The following CDC20B variants were observed in gnomAD, a reference collection of about 807,000 sequenced individuals.
The protein encoded by CDC20B is cell division cycle 20B, also known as cell division cycle protein 20 homolog B.
CDC20B carries 58 observed loss-of-function variants against 64.1 expected under a neutral mutation model. The observed-to-expected ratio is 0.90, with a 90% CI of 0.73 to 1.13. The LOEUF (loss-of-function observed/expected upper bound fraction) is 1.13, where lower values mean the gene tolerates loss of function less well. Among genes scored for constraint, CDC20B ranks in the 50% most tolerant of loss-of-function variants. The pLI, the probability that CDC20B is intolerant of heterozygous loss-of-function variation, is 0.00. For missense variants in CDC20B, 597 were observed against 633.0 expected (o/e 0.94, Z 0.61); for synonymous variants, 243 against 230.6 (o/e 1.05, Z -0.49).
At chr5:55,172,360 C>A in intron 2 of CDC20B, 1 of 494,158 alleles carries the variant, frequency 2.0e-6, no homozygotes, top group Non-Finnish European at 3.6e-6. Context: ...CAGCTTTATC[C>A]TTTGCTGTGG....
chr5:55,160,956 C>T (rs1453514049), intron 2 of CDC20B: 4 of 1,577,614 alleles, frequency 2.5e-6, no homozygotes, highest in Middle Eastern at 1.7e-4. Flanking sequence ...AAATCTTTTG[C>T]TTCACTTTCC....
intron 2 of CDC20B, chr5:55,166,371 T>A (rs1469898623): frequency 6.6e-6 from 1 of 152,262 alleles, no homozygotes; most frequent in African/African-American, 2.4e-5. Flanking sequence ...GGCTGCCTTA[T>A]TCAACCTACA....
intron 5 of CDC20B, among the ~76,000 whole-genome samples, chr5:55,134,466 C>T (rs1244570239): frequency 6.6e-6 from 1 of 151,984 alleles, no homozygotes; most frequent in Non-Finnish European, 1.5e-5. Context: ...AAAGAATGAA[C>T]AAAAAAACTC....
chr5:55,168,953 A>G (rs1246768180), intron 2 of CDC20B, among the ~76,000 whole-genome samples: 5 of 152,220 alleles, frequency 3.3e-5, no homozygotes, highest in Non-Finnish European at 7.3e-5. Flanking sequence ...AAACCTGCAC[A>G]TGTACCCCCT....
chr5:55,119,725 T>C, intron 11 of CDC20B, 76 bp downstream of exon 11: 1 of 900,504 alleles, frequency 1.1e-6, no homozygotes. Flanking sequence ...ATAAAATCTT[T>C]CATTCAGGGC....
intron 10 of CDC20B, 101 bp downstream of exon 10, chr5:55,120,324 T>C: frequency 2.2e-6 from 3 of 1,364,250 alleles, no homozygotes; most frequent in Non-Finnish European, 3.1e-6. Context: ...ATGGACTCAA[T>C]AGAGAAAGAG....
chr5:55,134,811 T>G (rs1252307320), intron 5 of CDC20B, among the ~76,000 whole-genome samples: 1 of 152,116 alleles, frequency 6.6e-6, no homozygotes, highest in African/African-American at 2.4e-5. Context: ...CTGAAAAAAC[T>G]AAATATTGTA....
intron 2 of CDC20B, among the ~76,000 whole-genome samples, chr5:55,163,839 A>G (rs572946699): frequency 8.7e-5 from 13 of 149,512 alleles, no homozygotes; most frequent in East Asian, 3.9e-4. Context: ...CTAAGATCAC[A>G]TACTAGATGA....
rs1273454595 is a variant in CDC20B at position 55,172,592 on chromosome 5, G to A, written c.122C>T (p.Ala41Val). 1.2e-6 allele frequency: 2 copies of A among 1,611,896 alleles called. No individual in the cohort carries two copies. The highest frequency in any genetic ancestry group is 1.7e-5 in the Admixed American group (1 of 60,014). Residue 41 changes from alanine to valine, a missense_variant, in exon 2 of 12, where the codon GCC becomes GTC. Physicochemically the swap from Ala to Val is moderately conservative, Grantham distance 64. Around this residue, in one of 3 missense-constraint regions of CDC20B, gnomAD observed 241 missense variants for 219.2 expected, o/e 1.10. Transcript: ENST00000381375. ...DLKQKRSQDS[A>V]NVLDSVNATY... Reference sequence around the variant, plus strand: ...AAGAACAAGCCCTGGACTCACGTTGGCGGAATCTTGACTTCTCTTCTGCTT... The same window carrying A: ...AAGAACAAGCCCTGGACTCACGTTGACGGAATCTTGACTTCTCTTCTGCTT...
chr5:55,169,380 C>T (rs1744515794), intron 2 of CDC20B, among the ~76,000 whole-genome samples: 1 of 152,188 alleles, frequency 6.6e-6, no homozygotes, highest in Non-Finnish European at 1.5e-5. Flanking sequence ...TCATCTATGG[C>T]TTAACTAACT....
At chr5:55,141,435 T>C (rs976283876) in intron 4 of CDC20B, among the ~76,000 whole-genome samples, 1 of 152,160 alleles carries the variant, frequency 6.6e-6, no homozygotes, top group African/African-American at 2.4e-5. Context: ...TTACGGACAA[T>C]AGTGGCTTAG....
chr5:55,160,181 G>C, intron 2 of CDC20B: 1 of 1,609,258 alleles, frequency 6.2e-7, no homozygotes, highest in Non-Finnish European at 8.5e-7. Context: ...CTTCCCTCTA[G>C]AATCCTCCAA....
intron 1 of CDC20B, 35 bp downstream of exon 1, chr5:55,172,903 G>A (rs567350344): frequency 1.3e-6 from 2 of 1,562,984 alleles, no homozygotes; most frequent in African/African-American, 1.4e-5. Flanking sequence ...CCGCATTAGA[G>A]AGTTAGGGAG....
Position 55,114,280 on chromosome 5 carries a change from C to A in CDC20B, c.1498G>T (p.Asp500Tyr). The change falls in exon 12 of 12, where the codon GAC becomes TAC. Residue 500 changes from aspartate (D) to tyrosine (Y), a missense_variant. By Grantham distance (160) the Asp-to-Tyr change is radical. Around this residue, in one of 3 missense-constraint regions of CDC20B, gnomAD observed 353 missense variants for 397.0 expected, o/e 0.89. Coordinates refer to ENST00000381375, the MANE Select transcript of CDC20B (RefSeq NM_001170402.1). The surrounding 1 kb of genome is among the most constrained non-coding windows in gnomAD (Gnocchi z 4.1). ...GCAGCAGAAAACACCCGGGTCTGGT[C>A]TGGACTCAAAGACAGGTGCAGCACT... ...GRVLHLSLSP[D>Y]QTRVFSAAAD... 6.2e-7 allele frequency: 1 copy of A among 1,614,020 alleles called. No homozygotes were observed. Among genetic ancestry groups the A allele is most frequent in the South Asian group, 1.1e-5 (1 of 91,060 alleles).
intron 2 of CDC20B, among the ~76,000 whole-genome samples, chr5:55,167,251 T>TAA (rs1256578833): frequency 6.6e-6 from 1 of 152,222 alleles, no homozygotes; most frequent in African/African-American, 2.4e-5. Flanking sequence ...ACAGCAGACA[T>TAA]AACAACAGAG....
At chr5:55,124,285 G>C (rs1742822350) in intron 9 of CDC20B, among the ~76,000 whole-genome samples, 1 of 152,118 alleles carries the variant, frequency 6.6e-6, no homozygotes, top group Admixed American at 6.6e-5. Flanking sequence ...ATGAGAATGT[G>C]ACCAAAGGCA....
At chr5:55,119,743 C>G (rs1324724429) in intron 11 of CDC20B, 58 bp downstream of exon 11, 2 of 1,060,892 alleles carry the variant, frequency 1.9e-6, no homozygotes, top group African/African-American at 3.1e-5. Flanking sequence ...GGCTTTTCCC[C>G]CCAACAACAG....
At position 55,160,677 on chromosome 5, in the gene CDC20B, C is replaced by T. The variant is rs1438546158; in HGVS notation, c.126+11911G>A. Reference sequence around the variant, plus strand: ...ATAGTTAGTAATGTGAACATGATGACATTTATTAATAAAAGTATTGGTTCT... The same window carrying T: ...ATAGTTAGTAATGTGAACATGATGATATTTATTAATAAAAGTATTGGTTCT... On this transcript the variant is annotated intron_variant, in intron 2 of 11. Transcript: ENST00000381375. 6 of 451,600 alleles carry T rather than the reference C, an allele frequency of 1.3e-5. 1 individual carries two copies. Among genetic ancestry groups the T allele is most frequent in the African/African-American group, 1.2e-4 (6 of 49,288 alleles). The allele number at this position is 451,600 out of a possible 1,614,324, so 28.0% of individuals were successfully genotyped here.
In CDC20B at chr5:55,132,944, C is replaced by T. The variant is rs148256683; in HGVS notation, c.697+468G>A. The stretch of plus-strand genomic sequence containing the variant: ...CTCCACAACGTCTTTCTGGACAACA[C>T]CGAAGCTCACTAAGCTCCTTCTAGT... On this transcript the variant is annotated intron_variant, in intron 6 of 11. Coordinates refer to ENST00000381375, the MANE Select transcript of CDC20B (RefSeq NM_001170402.1). Among the ~76,000 whole-genome samples, 746 of 152,320 alleles carry T rather than the reference C, an allele frequency of 4.9e-3. 9 individuals carry two copies. Among genetic ancestry groups the T allele is most frequent in the Middle Eastern group, 0.024 (7 of 294 alleles).
Sources: gnomAD v4.1 joint callset for allele counts (sites outside exome capture counted in the v4.1 genomes callset) on GRCh38, gnomAD v4.1.1 for gene constraint, gnomAD v4.1.1 regional missense constraint, Gnocchi (gnomAD v3.1) non-coding constraint, MANE v1.5 for transcripts, NCBI Gene and HGNC (gene_info 2026-07-23, HGNC 2026-07-21) for gene names.